NAV3: variants seen among roughly 807,000 people sequenced by gnomAD.
The protein encoded by NAV3 is neuron navigator 3.
In NAV3, 87 loss-of-function variants were observed where a neutral mutation model predicts 244.7. That is an observed-to-expected ratio of 0.36 (90% CI 0.30 to 0.42). NAV3 has a LOEUF of 0.42. Among genes scored for constraint, NAV3 ranks in the 20% least tolerant of loss-of-function variants. NAV3 has a pLI of 1.00. For synonymous variants in NAV3, 1,126 were observed against 1,042.2 expected (o/e 1.08, Z -1.55); for missense variants, 2,663 against 2,893.3 (o/e 0.92, Z 1.83).
chr12:77,827,644 T>G (rs919427515), upstream of NAV3, among the ~76,000 whole-genome samples: 7 of 152,212 alleles, frequency 4.6e-5, no homozygotes, highest in Non-Finnish European at 8.8e-5. Flanking sequence ...CATATTAGGC[T>G]TCATGACTTT....
intron 34 of NAV3, among the ~76,000 whole-genome samples, chr12:78,192,096 A>G (rs1959007953): frequency 6.6e-6 from 1 of 152,164 alleles, no homozygotes; most frequent in African/African-American, 2.4e-5. Flanking sequence ...CTATCTGTCT[A>G]TCTATCCATC....
intron 22 of NAV3, among the ~76,000 whole-genome samples, chr12:78,154,992 G>A (rs979520266): frequency 3.3e-5 from 5 of 151,952 alleles, no homozygotes; most frequent in African/African-American, 1.2e-4. Flanking sequence ...ACTAAACCAA[G>A]GTGAGATAAA....
At chr12:78,102,859 G>A (rs1954607058) in intron 12 of NAV3, among the ~76,000 whole-genome samples, 1 of 152,160 alleles carries the variant, frequency 6.6e-6, no homozygotes, top group South Asian at 2.1e-4. Flanking sequence ...GGGACACAGG[G>A]CACCAAGTCT....
At chr12:77,839,915 A>G (rs1875331257) in intron 1 of NAV3, among the ~76,000 whole-genome samples, 2 of 152,202 alleles carry the variant, frequency 1.3e-5, no homozygotes, top group Admixed American at 1.3e-4. Flanking sequence ...TCTACTAAAA[A>G]TATAAAAATT....
intron 2 of NAV3, among the ~76,000 whole-genome samples, chr12:77,580,314 A>C (rs1038673903): frequency 3.3e-5 from 5 of 152,008 alleles, no homozygotes; most frequent in African/African-American, 1.2e-4. Context: ...CCCTAGCCCC[A>C]GGACAGAATT....
At chr12:78,070,725 C>T (rs1048864057) in intron 12 of NAV3, among the ~76,000 whole-genome samples, 1 of 139,144 alleles carries the variant, frequency 7.2e-6, no homozygotes, top group African/African-American at 2.7e-5. Flanking sequence ...ACAACAGTCC[C>T]CAGAGTGTGA....
chr12:77,992,093 G>A (rs1041543254), intron 5 of NAV3, among the ~76,000 whole-genome samples: 12 of 151,834 alleles, frequency 7.9e-5, no homozygotes, highest in Admixed American at 6.6e-4. Context: ...CTAATCAGCT[G>A]CATGTTTTAG....
At chr12:77,767,557 C>A (rs1213197829) in intron 2 of NAV3, among the ~76,000 whole-genome samples, 3 of 152,218 alleles carry the variant, frequency 2.0e-5, no homozygotes, top group African/African-American at 4.8e-5. Context: ...CCGGCCACTG[C>A]ATACAGCCAA....
At chr12:77,878,626 A>T (rs1882181585) in intron 1 of NAV3, among the ~76,000 whole-genome samples, 1 of 151,866 alleles carries the variant, frequency 6.6e-6, no homozygotes, top group Non-Finnish European at 1.5e-5. Flanking sequence ...GAGCATATGG[A>T]AACTGTATTA....
At chr12:77,958,589 T>G (rs1037814218) in intron 3 of NAV3, among the ~76,000 whole-genome samples, 11 of 152,184 alleles carry the variant, frequency 7.2e-5, no homozygotes, top group Non-Finnish European at 1.6e-4. Flanking sequence ...ATGATAAGAT[T>G]AAGTATTTTG....
chr12:77,752,361 G>A (rs1196658607), intron 2 of NAV3, among the ~76,000 whole-genome samples: 2 of 152,028 alleles, frequency 1.3e-5, no homozygotes, highest in Non-Finnish European at 2.9e-5. Flanking sequence ...GCTTTTATAG[G>A]GACGCAACTA....
rs138329038 is a variant in NAV3 at position 77,615,931 on chromosome 12, A to G, written c.72+43665A>G. Among the ~76,000 whole-genome samples, 21 of 152,280 alleles carry G rather than the reference A, an allele frequency of 1.4e-4. No homozygotes were observed. The East Asian group carries it at 2.1e-3, about 15-fold the overall frequency. On this transcript the variant is annotated intron_variant, in intron 2 of 8. Coordinates refer to the NAV3 transcript ENST00000550042. Reference sequence around the variant, plus strand: ...ATTTGTACACTAACTTGCGGGGCAGAGGGGGACATTATCCTCATAAACTTT... The same window carrying G: ...ATTTGTACACTAACTTGCGGGGCAGGGGGGGACATTATCCTCATAAACTTT...
intron 12 of NAV3, among the ~76,000 whole-genome samples, chr12:78,070,383 G>T (rs924768344): frequency 6.6e-6 from 1 of 151,116 alleles, no homozygotes; most frequent in Non-Finnish European, 1.5e-5. Flanking sequence ...CCAGATGCTG[G>T]GATTTATACT....
chr12:77,988,272 A>G (rs1212883422), intron 5 of NAV3, among the ~76,000 whole-genome samples: 1 of 152,216 alleles, frequency 6.6e-6, no homozygotes, highest in African/African-American at 2.4e-5. Flanking sequence ...TCTACAGACC[A>G]CATTTTGAGT....
At chr12:78,089,462 G>T (rs984954089) in intron 12 of NAV3, among the ~76,000 whole-genome samples, 1 of 152,030 alleles carries the variant, frequency 6.6e-6, no homozygotes, top group African/African-American at 2.4e-5. Context: ...AATCTATAAA[G>T]CCCCTAAATA....
intron 2 of NAV3, among the ~76,000 whole-genome samples, chr12:77,573,129 G>T (rs1868908954): frequency 6.6e-6 from 1 of 152,138 alleles, no homozygotes; most frequent in South Asian, 2.1e-4. Flanking sequence ...GAAAAGGAAG[G>T]AAATTTTTAG....
intron 2 of NAV3, among the ~76,000 whole-genome samples, chr12:77,790,065 T>C (rs891241837): frequency 2.0e-5 from 3 of 152,154 alleles, no homozygotes; most frequent in Non-Finnish European, 2.9e-5. Flanking sequence ...ATTCCACCCC[T>C]GTGAAACTTC....
intron 3 of NAV3, chr12:77,950,828 T>G (rs1890803115): frequency 6.6e-6 from 1 of 152,224 alleles, no homozygotes; most frequent in Non-Finnish European, 1.5e-5. Context: ...AAGGATTGCC[T>G]ATTTAATAAA....
intron 2 of NAV3, among the ~76,000 whole-genome samples, chr12:77,610,058 C>A (rs1207759867): frequency 6.6e-6 from 1 of 151,938 alleles, no homozygotes; most frequent in Non-Finnish European, 1.5e-5. Context: ...TACTCATGGC[C>A]TTACATTTCC....
Sources: gnomAD v4.1 joint callset for allele counts (sites outside exome capture counted in the v4.1 genomes callset) on GRCh38, gnomAD v4.1.1 for gene constraint, MANE v1.5 for transcripts, NCBI Gene and HGNC (gene_info 2026-07-23, HGNC 2026-07-21) for gene names.